The following ADD1 variants were observed in gnomAD, a reference collection of about 807,000 sequenced individuals.
ADD1 encodes adducin 1.
In ADD1, 24 loss-of-function variants were observed where a neutral mutation model predicts 80.5. That is an observed-to-expected ratio of 0.30 (90% CI 0.22 to 0.42). The LOEUF (loss-of-function observed/expected upper bound fraction) is 0.42, where lower values mean the gene tolerates loss of function less well. ADD1 is among the 10% of genes least tolerant of loss of function. The pLI is 1.00. For missense variants in ADD1, 948 were observed against 1,019.0 expected (o/e 0.93, Z 0.95); for synonymous variants, 373 against 393.8 (o/e 0.95, Z 0.63).
At chr4:2,867,612 A>G (rs1729742226) in intron 1 of ADD1, among the ~76,000 whole-genome samples, 2 of 152,264 alleles carry the variant, frequency 1.3e-5, no homozygotes, top group African/African-American at 2.4e-5. Context: ...AACACCAGCT[A>G]TGTAATTGTA....
chr4:2,851,084 A>G (rs562260226), intron 1 of ADD1, among the ~76,000 whole-genome samples: 27 of 152,268 alleles, frequency 1.8e-4, no homozygotes, highest in South Asian at 8.3e-4. Flanking sequence ...GTCTTGCTCT[A>G]TTGTTCAGGT....
In ADD1 at chr4:2,875,892, G is replaced by C. The variant is rs1487012026; in HGVS notation, c.-20-4G>C. ...CAATAATTTCTTTTATTTTGATTCT[G>C]TAGGAACCTAGAAAGATTGTACAAT... On this transcript the variant is annotated splice_polypyrimidine_tract_variant and splice_region_variant and intron_variant, in intron 1 of 15. Coordinates refer to ENST00000683351, the MANE Select transcript of ADD1 (RefSeq NM_001354761.2). 2 of 1,560,394 alleles carry C rather than the reference G, an allele frequency of 1.3e-6. No homozygotes were observed. Among genetic ancestry groups the C allele is most frequent in the Non-Finnish European group, 1.7e-6 (2 of 1,154,998 alleles).
intron 4 of ADD1, among the ~76,000 whole-genome samples, chr4:2,890,391 T>C (rs527530857): frequency 6.6e-6 from 1 of 152,222 alleles, no homozygotes; most frequent in African/African-American, 2.4e-5. Context: ...AAATGTCATT[T>C]TATAGACATC....
At chr4:2,875,399 A>G (rs953794281) in intron 1 of ADD1, among the ~76,000 whole-genome samples, 3 of 152,014 alleles carry the variant, frequency 2.0e-5, no homozygotes, top group Admixed American at 6.6e-5. Flanking sequence ...AACATTTACC[A>G]TTTTGTGAGT....
chr4:2,891,532 G>A (rs1734303019), intron 4 of ADD1, among the ~76,000 whole-genome samples: 1 of 152,138 alleles, frequency 6.6e-6, no homozygotes, highest in African/African-American at 2.4e-5. Context: ...TGGGTCATAG[G>A]GATTTATAGA....
At chr4:2,851,180 C>G (rs1727021633) in intron 1 of ADD1, among the ~76,000 whole-genome samples, 1 of 152,162 alleles carries the variant, frequency 6.6e-6, no homozygotes, top group Non-Finnish European at 1.5e-5. Flanking sequence ...TCCGGAATAG[C>G]TAGGACTACT....
chr4:2,880,938 T>G (rs1732207740), intron 2 of ADD1, among the ~76,000 whole-genome samples: 1 of 152,086 alleles, frequency 6.6e-6, no homozygotes, highest in African/African-American at 2.4e-5. Context: ...GATGGATGGT[T>G]AGGGTTTTTT....
intron 1 of ADD1, among the ~76,000 whole-genome samples, chr4:2,873,364 TGAA>T (rs1730756130): frequency 6.6e-6 from 1 of 152,212 alleles, no homozygotes; most frequent in Non-Finnish European, 1.5e-5. Context: ...TTGATAAAAA[TGAA>T]GGACAGGTTT....
At chr4:2,871,157 G>C (rs1397092714) in intron 1 of ADD1, among the ~76,000 whole-genome samples, 1 of 151,884 alleles carries the variant, frequency 6.6e-6, no homozygotes, top group East Asian at 1.9e-4. Flanking sequence ...ATTTTTAGTA[G>C]AGATGGGGTT....
chr4:2,918,092 G>C (rs1739378700), intron 14 of ADD1, among the ~76,000 whole-genome samples: 1 of 152,176 alleles, frequency 6.6e-6, no homozygotes, highest in Admixed American at 6.5e-5. Context: ...GCATAGCATT[G>C]AATCTATAAA....
chr4:2,875,963 C>T lies in ADD1; in HGVS notation c.48C>T (p.Thr16=). ...RAAVVTSPPP[T]TAPHKERYFD... ...CGGTGGTGACCTCACCACCCCCGAC[C>T]ACAGCCCCTCACAAGGAGAGGTACT... Residue 16 remains threonine, a synonymous_variant, in exon 2 of 16, where the codon ACC becomes ACT. Transcript: ENST00000683351. 2 of 1,613,772 alleles carry T rather than the reference C, an allele frequency of 1.2e-6. No homozygotes were observed. The highest frequency in any genetic ancestry group is 1.7e-6 in the Non-Finnish European group (2 of 1,179,844).
Position 2,926,823 on chromosome 4 carries a change from T to C in ADD1, c.2047+711T>C, listed in dbSNP as rs1278670401. ...TTTTGTACCCAGTCCCTTGGAGGCCTTCCTGGAAGTGGTTCAGTCACCTGA... is the reference window on the plus strand; with the variant it reads ...TTTTGTACCCAGTCCCTTGGAGGCCCTCCTGGAAGTGGTTCAGTCACCTGA... On this transcript the variant is annotated intron_variant, in intron 15 of 15. Coordinates refer to ENST00000683351, the MANE Select transcript of ADD1 (RefSeq NM_001354761.2). This position sits in a 1 kb window ranked among gnomAD's most constrained non-coding sequence, Gnocchi z 5.0. 1.1e-6 allele frequency: 1 copy of C among 892,804 alleles called. No homozygotes were observed. The highest frequency in any genetic ancestry group is 1.7e-6 in the Non-Finnish European group (1 of 590,578). 55.3% of individuals were successfully genotyped at this position (892,804 alleles called of 1,614,324 possible). A position where few individuals can be genotyped will look rare whatever the true frequency, so the allele number is the denominator to read the frequency against.
At chr4:2,898,909 A>C in intron 8 of ADD1, 1 of 381,132 alleles carries the variant, frequency 2.6e-6, no homozygotes, top group Non-Finnish European at 4.8e-6. Context: ...ACTTGCCTGC[A>C]GCTTACAGCT....
chr4:2,927,371 C>G (rs1711983780), intron 15 of ADD1, among the ~76,000 whole-genome samples: 1 of 152,238 alleles, frequency 6.6e-6, no homozygotes, highest in Non-Finnish European at 1.5e-5. Context: ...GGGGCCTGGG[C>G]CTCCTGTGCT....
intron 4 of ADD1, among the ~76,000 whole-genome samples, chr4:2,891,114 G>A (rs1023739154): frequency 2.3e-4 from 34 of 146,904 alleles, no homozygotes; most frequent in Admixed American, 8.2e-4. Context: ...GTGAAACCCT[G>A]TCTCTATTTT....
chr4:2,926,790 C>T lies in ADD1; in HGVS notation c.2047+678C>T. On this transcript the variant is annotated intron_variant, in intron 15 of 15. Coordinates refer to ENST00000683351, the MANE Select transcript of ADD1 (RefSeq NM_001354761.2). This position sits in a 1 kb window ranked among gnomAD's most constrained non-coding sequence, Gnocchi z 5.0. The stretch of plus-strand genomic sequence containing the variant: ...TGTTTATTTAAAATAAAAACAGAAG[C>T]CCCCCTTTTTTGTACCCAGTCCCTT... 8.0e-7 allele frequency: 1 copy of T among 1,255,890 alleles called. No individual in the cohort carries two copies. The highest frequency in any genetic ancestry group is 1.1e-6 in the Non-Finnish European group (1 of 897,874). 77.8% of individuals were successfully genotyped at this position (1,255,890 alleles called of 1,614,324 possible). A position where few individuals can be genotyped will look rare whatever the true frequency, so the allele number is the denominator to read the frequency against.
intron 1 of ADD1, among the ~76,000 whole-genome samples, chr4:2,858,899 A>G (rs747134644): frequency 4.1e-4 from 63 of 152,212 alleles, no homozygotes; most frequent in Non-Finnish European, 7.3e-4. Context: ...TTTTACATTT[A>G]TTATTTCTAA....
intron 14 of ADD1, among the ~76,000 whole-genome samples, chr4:2,919,522 C>T (rs1327916417): frequency 6.6e-6 from 1 of 152,120 alleles, no homozygotes; most frequent in African/African-American, 2.4e-5. Flanking sequence ...GAGCTTGTTA[C>T]TGGTCTATTC....
At chr4:2,853,525 T>C (rs964911967) in intron 1 of ADD1, 2 of 152,216 alleles carry the variant, frequency 1.3e-5, no homozygotes, top group Non-Finnish European at 2.9e-5. Context: ...TTATGATTTC[T>C]TTTTTGGCCC....
Sources: gnomAD v4.1 joint callset for allele counts (sites outside exome capture counted in the v4.1 genomes callset) on GRCh38, gnomAD v4.1.1 for gene constraint, Gnocchi (gnomAD v3.1) non-coding constraint, MANE v1.5 for transcripts, NCBI Gene and HGNC (gene_info 2026-07-23, HGNC 2026-07-21) for gene names.